The following BIRC6 variants were observed in gnomAD, a reference collection of about 807,000 sequenced individuals.
The protein encoded by BIRC6 is dual E2 ubiquitin-conjugating enzyme/E3 ubiquitin-protein ligase BIRC6.
In BIRC6, 98 loss-of-function variants were observed where a neutral mutation model predicts 503.3. The observed-to-expected ratio is 0.19, with a 90% CI of 0.17 to 0.23. The LOEUF (loss-of-function observed/expected upper bound fraction) is 0.23. BIRC6 is among the 10% of genes least tolerant of loss of function. The pLI, the probability that BIRC6 is intolerant of heterozygous loss-of-function variation, is 1.00. For synonymous variants in BIRC6, 2,240 were observed against 2,078.7 expected, an observed-to-expected ratio of 1.08 and a Z score of -2.11; for missense variants, 5,360 against 5,806.0, an observed-to-expected ratio of 0.92 and a Z score of 2.50.
At position 32,431,022 on chromosome 2, in the gene BIRC6, A is replaced by G. The variant is rs765044803; in HGVS notation, c.3180A>G (p.Gln1060=). ...QQEQQQRRHP[Q]HLHQQHHGDA... is the part of the protein sequence containing the mutation. ...AACAGCAGCAAAGGAGGCATCCTCAACATTTGCATCAGCAACACCATGGTG... is the reference window on the plus strand; with the variant it reads ...AACAGCAGCAAAGGAGGCATCCTCAGCATTTGCATCAGCAACACCATGGTG... Residue 1060 remains glutamine, a synonymous_variant, in exon 12 of 74, where the codon CAA becomes CAG. Transcript: ENST00000421745. 7 of 1,613,216 alleles carry G rather than the reference A, an allele frequency of 4.3e-6. No homozygotes were observed. The highest frequency in any genetic ancestry group is 1.1e-5 in the South Asian group (1 of 91,052).
intron 5 of BIRC6, 67 bp downstream of exon 5, chr2:32,392,217 AT>A: frequency 3.5e-6 from 4 of 1,139,680 alleles, no homozygotes; most frequent in East Asian, 2.6e-5. Context: ...AAATTATCAC[AT>A]TTTTTTAACT....
chr2:32,524,943 GA>G lies in BIRC6; in HGVS notation c.11684del (p.Asn3895ThrfsTer26). 4 of 1,533,560 alleles carry G rather than the reference GA, an allele frequency of 2.6e-6. No individual in the cohort carries two copies. The highest frequency in any genetic ancestry group is 2.1e-5 in the Admixed American group (1 of 48,240). The allele number at this position is 1,533,560 out of a possible 1,614,324, so 95.0% of individuals were successfully genotyped here. A position where few individuals can be genotyped will look rare whatever the true frequency, so the allele number is the denominator to read the frequency against. Reference sequence around the variant, plus strand: ...GTGAACAAAAAGATGACAAAGAAAAGAAAAACCATGAAGAGAAAGAAAAAGT... The same window carrying G: ...GTGAACAAAAAGATGACAAAGAAAAGAAAACCATGAAGAGAAAGAAAAAGT... ...ISEQKDDKEK[K>X]NHEEKEKVKA... On this transcript the variant is annotated frameshift_variant, in exon 58 of 74. Transcript: ENST00000421745. LOFTEE classifies it high-confidence loss of function.
intron 10 of BIRC6, among the ~76,000 whole-genome samples, chr2:32,419,042 T>A (rs1205355877): frequency 3.9e-5 from 6 of 152,228 alleles, no homozygotes; most frequent in African/African-American, 1.4e-4. Context: ...TCTCATGTGA[T>A]AGGGAATTTA....
intron 61 of BIRC6, among the ~76,000 whole-genome samples, chr2:32,534,880 A>G (rs761411680): frequency 2.0e-5 from 3 of 151,946 alleles, no homozygotes; most frequent in Non-Finnish European, 4.4e-5. Flanking sequence ...GAGTTGAAAC[A>G]TGGACAGAAA....
chr2:32,502,735 G>C, intron 47 of BIRC6, 60 bp from the exon 48 acceptor site: 1 of 1,279,060 alleles, frequency 7.8e-7, no homozygotes, highest in South Asian at 1.4e-5. Flanking sequence ...TACATGCATT[G>C]AGTTTAGTTC....
intron 1 of BIRC6, among the ~76,000 whole-genome samples, chr2:32,376,110 C>T (rs930637497): frequency 2.0e-5 from 3 of 150,262 alleles, no homozygotes; most frequent in Non-Finnish European, 4.4e-5. Flanking sequence ...GGCATGAACC[C>T]GGGAGGCAGA....
rs149938413 is a variant in BIRC6, at chr2:32,464,655, C to G, written c.5088C>G (p.Pro1696=). The G allele has an allele frequency of 1.2e-6, 2 of 1,613,948 alleles. No homozygotes were observed. The highest frequency in any genetic ancestry group is 1.7e-6 in the Non-Finnish European group (2 of 1,179,872). The change falls in exon 25 of 74, where the codon CCC becomes CCG. Residue 1696 remains proline (P), a synonymous_variant. Coordinates refer to ENST00000421745, the MANE Select transcript of BIRC6 (RefSeq NM_016252.4). The stretch of plus-strand genomic sequence containing the variant: ...TTCATCCATCTGATGTTATTCCACC[C>G]ACTCCAAAAACAACACCTCTTTTTA... ...FFIHPSDVIP[P]TPKTTPLFMT... is the part of the protein sequence containing the mutation.
chr2:32,555,597 C>T (rs2058718206), intron 65 of BIRC6, among the ~76,000 whole-genome samples: 1 of 151,922 alleles, frequency 6.6e-6, no homozygotes, highest in African/African-American at 2.4e-5. Context: ...CACAACACTC[C>T]AGCCTGGGCG....
At chr2:32,504,042 GTGTGTGTGTGTGT>G (rs2053521126) in intron 49 of BIRC6, among the ~76,000 whole-genome samples, 1 of 141,948 alleles carries the variant, frequency 7.0e-6, no homozygotes, top group Non-Finnish European at 1.5e-5. Context: ...GTTTGTGTGT[GTGTGTGTGTGTGT>G]GTGTGTGTGT....
At chr2:32,574,482 T>TTATCAATTA (rs1342939686) in intron 65 of BIRC6, 1 of 152,536 alleles carries the variant, frequency 6.6e-6, no homozygotes, top group Non-Finnish European at 1.5e-5. Flanking sequence ...CTGGAAGCCT[T>TTATCAATTA]ACTGATAATC....
intron 39 of BIRC6, 33 bp from the exon 40 acceptor site, chr2:32,485,610 A>G (rs201654917): frequency 8.6e-6 from 12 of 1,400,414 alleles, no homozygotes; most frequent in Admixed American, 8.6e-5. Context: ...ATAATTGTCA[A>G]TGTTTTCTTT....
chr2:32,582,437 C>CTGGT (rs1235819684), intron 66 of BIRC6, among the ~76,000 whole-genome samples: 2 of 152,128 alleles, frequency 1.3e-5, no homozygotes, highest in Non-Finnish European at 2.9e-5. Flanking sequence ...AGCCATATCA[C>CTGGT]TGAACTTTCT....
chr2:32,482,704 G>A (rs951879838), intron 39 of BIRC6, 122 bp downstream of exon 39: 6 of 973,428 alleles, frequency 6.2e-6, no homozygotes, highest in African/African-American at 4.9e-5. Context: ...TATCACAGCT[G>A]TGCCGTGAGT....
chr2:32,580,151 A>G (rs1342924442), intron 66 of BIRC6, among the ~76,000 whole-genome samples: 1 of 151,886 alleles, frequency 6.6e-6, no homozygotes, highest in Non-Finnish European at 1.5e-5. Context: ...ACGGGGTTTC[A>G]CCATGTTGGC....
chr2:32,509,066 T>TAA (rs774582587), intron 51 of BIRC6, among the ~76,000 whole-genome samples: 25 of 144,032 alleles, frequency 1.7e-4, no homozygotes, highest in Middle Eastern at 3.6e-3. Flanking sequence ...ACTCTGTCTT[T>TAA]AAAAAAAAAA....
At chr2:32,438,348 T>TGCTA (rs1357393140) in intron 15 of BIRC6, among the ~76,000 whole-genome samples, 2 of 152,156 alleles carry the variant, frequency 1.3e-5, no homozygotes. Flanking sequence ...AACAGTGTAG[T>TGCTA]GCTAGCACAG....
chr2:32,468,898 T>C, intron 29 of BIRC6, 115 bp downstream of exon 29: 1 of 784,476 alleles, frequency 1.3e-6, no homozygotes, highest in Non-Finnish European at 2.0e-6. Flanking sequence ...TTTTAAAAAA[T>C]GTCAGTATTT....
chr2:32,541,063 A>G (rs2057626680), intron 61 of BIRC6, among the ~76,000 whole-genome samples: 1 of 151,964 alleles, frequency 6.6e-6, no homozygotes, highest in South Asian at 2.1e-4. Flanking sequence ...TTTTGCTTTC[A>G]TTGTATTTGT....
At chr2:32,595,427 T>C (rs1440510270) in intron 68 of BIRC6, among the ~76,000 whole-genome samples, 1 of 152,236 alleles carries the variant, frequency 6.6e-6, no homozygotes, top group East Asian at 1.9e-4. Context: ...TATTTACCTC[T>C]TCATTTCTGT....
Sources: allele counts gnomAD v4.1 joint callset (sites outside exome capture counted in the v4.1 genomes callset), GRCh38; gene constraint gnomAD v4.1.1; transcripts MANE v1.5; gene names NCBI Gene and HGNC (gene_info 2026-07-23, HGNC 2026-07-21).